Variants in CALN1 observed in about 807,000 individuals in gnomAD.
CALN1 encodes the protein calcium-binding protein 8.
In CALN1, 17 loss-of-function variants were observed where a neutral mutation model predicts 30.6. The observed-to-expected ratio is 0.56, with a 90% confidence interval of 0.38 to 0.83. The LOEUF is 0.83. Ranked by LOEUF, CALN1 falls within the 40% of genes least tolerant of loss-of-function variation. The pLI, the probability that CALN1 is intolerant of heterozygous loss-of-function variation, is 0.00. For missense variants in CALN1, 291 were observed against 354.9 expected, an observed-to-expected ratio of 0.82 and a Z score of 1.45; for synonymous variants, 156 against 131.4, an observed-to-expected ratio of 1.19 and a Z score of -1.28.
chr7:72,357,613 G>A (rs1205845718), intron 2 of CALN1, among the ~76,000 whole-genome samples: 1 of 151,436 alleles, frequency 6.6e-6, no homozygotes, highest in African/African-American at 2.4e-5. Context: ...TCAAATCAAC[G>A]GAATCAGAAT....
intron 1 of CALN1, among the ~76,000 whole-genome samples, chr7:72,431,857 A>AAG (rs1194455302): frequency 6.6e-6 from 1 of 151,856 alleles, no homozygotes; most frequent in Non-Finnish European, 1.5e-5. Flanking sequence ...AAAAAAAAAA[A>AAG]AAAAACTAAG....
upstream of CALN1, among the ~76,000 whole-genome samples, chr7:72,449,701 TC>T (rs1808621423): frequency 6.6e-6 from 1 of 151,040 alleles, no homozygotes; most frequent in African/African-American, 2.4e-5. Context: ...TGAAACCCCG[TC>T]TCTACTAAAA....
chr7:72,272,157 C>G (rs1252407300), intron 3 of CALN1, among the ~76,000 whole-genome samples: 1 of 151,832 alleles, frequency 6.6e-6, no homozygotes, highest in Non-Finnish European at 1.5e-5. Flanking sequence ...GTCAAAGTGA[C>G]ACTGGTCAAC....
chr7:72,312,661 CAAAG>C (rs1800134683), intron 2 of CALN1, among the ~76,000 whole-genome samples: 1 of 151,404 alleles, frequency 6.6e-6, no homozygotes, highest in African/African-American at 2.4e-5. Flanking sequence ...ACAAGTAAGT[CAAAG>C]AAAGAAGGAC....
intron 2 of CALN1, among the ~76,000 whole-genome samples, chr7:72,356,503 C>A (rs940151716): frequency 6.6e-5 from 10 of 151,842 alleles, no homozygotes; most frequent in African/African-American, 2.4e-4. Context: ...GTCAAGGATA[C>A]ACACTGCGGT....
intron 5 of CALN1, among the ~76,000 whole-genome samples, chr7:72,006,071 T>C (rs1799758435): frequency 6.6e-6 from 1 of 152,202 alleles, no homozygotes; most frequent in Admixed American, 6.5e-5. Context: ...GGAGTGTACA[T>C]GGGATCTTTC....
chr7:72,014,362 C>T (rs942533175), intron 5 of CALN1, among the ~76,000 whole-genome samples: 23 of 152,170 alleles, frequency 1.5e-4, no homozygotes, highest in Non-Finnish European at 1.3e-4. Flanking sequence ...GCTGGGATTA[C>T]AGGCGTGAGC....
At chr7:72,398,463 TC>T (rs1806120282) in intron 2 of CALN1, among the ~76,000 whole-genome samples, 1 of 152,236 alleles carries the variant, frequency 6.6e-6, no homozygotes, top group Non-Finnish European at 1.5e-5. Context: ...TATTTTTAGA[TC>T]ACATATCAAT....
the CALN1 span, among the ~76,000 whole-genome samples, chr7:72,476,492 G>C: frequency 5.3e-5 from 8 of 152,040 alleles, no homozygotes; most frequent in Non-Finnish European, 1.0e-4. Context: ...ACCTCCATTG[G>C]CAAAGCCTAG....
At chr7:72,025,139 T>C (rs906616562) in intron 4 of CALN1, among the ~76,000 whole-genome samples, 5 of 152,022 alleles carry the variant, frequency 3.3e-5, no homozygotes, top group African/African-American at 9.7e-5. Context: ...GGTGAAACCC[T>C]GTCTCTACTA....
chr7:72,145,875 T>G (rs1406158474), intron 3 of CALN1, among the ~76,000 whole-genome samples: 1 of 152,192 alleles, frequency 6.6e-6, no homozygotes. Flanking sequence ...AAAAACCACA[T>G]GATTATCTCA....
intron 4 of CALN1, among the ~76,000 whole-genome samples, chr7:72,091,884 A>G (rs1246075004): frequency 6.6e-6 from 1 of 152,252 alleles, no homozygotes; most frequent in Non-Finnish European, 1.5e-5. Flanking sequence ...TGTACGGCCA[A>G]ATATAACATG....
At chr7:72,467,182 C>T in the CALN1 span, among the ~76,000 whole-genome samples, 1 of 152,156 alleles carries the variant, frequency 6.6e-6, no homozygotes, top group African/African-American at 2.4e-5. Flanking sequence ...ATATGAGTCC[C>T]GAGAGCTCTC....
chr7:72,223,257 G>A (rs1257508984), intron 3 of CALN1, among the ~76,000 whole-genome samples: 1 of 152,108 alleles, frequency 6.6e-6, no homozygotes, highest in Non-Finnish European at 1.5e-5. Context: ...AGGTGGAGCT[G>A]GGCACATGGG....
At chr7:72,044,457 C>T (rs1230500326) in intron 4 of CALN1, among the ~76,000 whole-genome samples, 1 of 151,902 alleles carries the variant, frequency 6.6e-6, no homozygotes. Flanking sequence ...TATACACACA[C>T]CTCTCTCAGG....
chr7:72,001,783 C>G (rs1196998467), intron 5 of CALN1, among the ~76,000 whole-genome samples: 1 of 152,070 alleles, frequency 6.6e-6, no homozygotes, highest in African/African-American at 2.4e-5. Flanking sequence ...TGCTGCAGAC[C>G]CATACAGATT....
intron 3 of CALN1, among the ~76,000 whole-genome samples, chr7:72,170,417 G>A (rs1788855637): frequency 6.6e-6 from 1 of 152,160 alleles, no homozygotes; most frequent in South Asian, 2.1e-4. Context: ...TCGTGACAAG[G>A]TCCTATATAA....
At chr7:72,348,095 T>C (rs1273938664) in intron 2 of CALN1, among the ~76,000 whole-genome samples, 1 of 152,130 alleles carries the variant, frequency 6.6e-6, no homozygotes, top group Admixed American at 6.5e-5. Context: ...CACTCCAGCC[T>C]GGACAACAGA....
At chr7:72,351,184 T>C (rs1377655211) in intron 2 of CALN1, among the ~76,000 whole-genome samples, 1 of 151,720 alleles carries the variant, frequency 6.6e-6, no homozygotes, top group Non-Finnish European at 1.5e-5. Flanking sequence ...AAAGGTGAAA[T>C]AAAGAGTTTT....
Sources: gnomAD v4.1 joint callset for allele counts (sites outside exome capture counted in the v4.1 genomes callset) on GRCh38, gnomAD v4.1.1 for gene constraint, MANE v1.5 for transcripts, NCBI Gene and HGNC (gene_info 2026-07-23, HGNC 2026-07-21) for gene names.